The following SGCZ variants were observed in gnomAD, a reference collection of about 807,000 sequenced individuals.
SGCZ encodes zeta-sarcoglycan.
A neutral mutation model predicts 41.3 loss-of-function variants in SGCZ; 40 were observed. The ratio of observed to expected loss-of-function variants is 0.97; its 90% confidence interval spans 0.75 to 1.26. The LOEUF is 1.26. SGCZ is among the 50% of genes most tolerant of loss of function. The probability of loss-of-function intolerance (pLI) is 0.00; values close to 1 mark genes in which losing one functional copy is unlikely to be tolerated. For synonymous variants in SGCZ, 206 were observed against 137.5 expected (o/e 1.50, Z -3.49); for missense variants, 552 against 369.8 (o/e 1.49, Z -4.04).
rs540832566 is a variant in SGCZ, at chr8:14,690,717, T to A, written c.40-135791A>T. 3 of 152,286 alleles carry A rather than the reference T, an allele frequency of 2.0e-5. No individual in the cohort carries two copies. In the East Asian group the frequency reaches 5.8e-4, roughly 29 times the overall value. The allele number at this position is 152,286 out of a possible 1,614,324, so 9.4% of individuals were successfully genotyped here. On this transcript the variant is annotated intron_variant, in intron 1 of 7. Transcript: ENST00000382080. ...AATGAAAATAACCAGTTAAGTTAGT[T>A]CCTTCATTCTGTTCAGAATATGGCT...
At chr8:15,007,931 T>C (rs1802664338) in intron 1 of SGCZ, among the ~76,000 whole-genome samples, 1 of 152,184 alleles carries the variant, frequency 6.6e-6, no homozygotes, top group Admixed American at 6.5e-5. Flanking sequence ...TTTATTGTAG[T>C]TCACATTTCT....
At chr8:14,151,445 CTAAG>C (rs141271790) in intron 5 of SGCZ, among the ~76,000 whole-genome samples, 20,230 of 147,120 alleles carry the variant, frequency 0.14, 1,554 homozygotes, top group African/African-American at 0.22. Context: ...CAAAAAAAAA[CTAAG>C]TAAGTGAAAA....
At chr8:14,303,156 A>C (rs528636571) in intron 3 of SGCZ, among the ~76,000 whole-genome samples, 8 of 152,326 alleles carry the variant, frequency 5.3e-5, no homozygotes, top group African/African-American at 7.2e-5. Flanking sequence ...ACGTATATTA[A>C]ATTTCCAAAC....
At chr8:14,445,056 A>G (rs1800392882) in intron 2 of SGCZ, among the ~76,000 whole-genome samples, 2 of 152,190 alleles carry the variant, frequency 1.3e-5, no homozygotes, top group African/African-American at 4.8e-5. Flanking sequence ...CCTAAGGCCA[A>G]TTAAGCTTGA....
intron 1 of SGCZ, among the ~76,000 whole-genome samples, chr8:14,570,701 T>C (rs541587403): frequency 6.6e-6 from 1 of 152,288 alleles, no homozygotes; most frequent in South Asian, 2.1e-4. Flanking sequence ...TACCTCCAGA[T>C]TTTGGAAATG....
At chr8:15,204,928 C>G (rs867859385) in intron 1 of SGCZ, among the ~76,000 whole-genome samples, 2 of 152,114 alleles carry the variant, frequency 1.3e-5, no homozygotes, top group African/African-American at 4.8e-5. Flanking sequence ...TTAGTGAAAC[C>G]TGAATGAATG....
intron 3 of SGCZ, among the ~76,000 whole-genome samples, chr8:14,277,675 G>C (rs966177635): frequency 6.6e-6 from 1 of 152,066 alleles, no homozygotes; most frequent in Non-Finnish European, 1.5e-5. Context: ...CTGGCATGCT[G>C]AGCACCTTGA....
intron 1 of SGCZ, among the ~76,000 whole-genome samples, chr8:14,696,619 T>G (rs918265945): frequency 1.3e-5 from 2 of 152,146 alleles, no homozygotes; most frequent in African/African-American, 4.8e-5. Flanking sequence ...TTTATCGTTA[T>G]GACCTTCCAT....
chr8:14,819,124 A>G (rs1164527736), intron 1 of SGCZ, among the ~76,000 whole-genome samples: 1 of 130,404 alleles, frequency 7.7e-6, no homozygotes, highest in East Asian at 2.9e-4. Context: ...AGTAAAAGAC[A>G]GAATTCTAAA....
intron 1 of SGCZ, among the ~76,000 whole-genome samples, chr8:14,982,982 G>A (rs189507673): frequency 1.3e-5 from 2 of 152,148 alleles, no homozygotes; most frequent in African/African-American, 2.4e-5. Context: ...CCACCTATTA[G>A]CTATTTGGCC....
chr8:14,126,501 C>G (rs901864472), intron 5 of SGCZ, among the ~76,000 whole-genome samples: 6 of 150,518 alleles, frequency 4.0e-5, no homozygotes, highest in Non-Finnish European at 8.9e-5. Flanking sequence ...GATGCTAGAG[C>G]AGCTGTGGAG....
intron 1 of SGCZ, among the ~76,000 whole-genome samples, chr8:14,562,613 G>T (rs1363376280): frequency 6.6e-6 from 1 of 152,044 alleles, no homozygotes; most frequent in Non-Finnish European, 1.5e-5. Flanking sequence ...AGACATAAAA[G>T]AAGTTTTTAT....
At chr8:15,122,688 G>T (rs118030767) in intron 1 of SGCZ, among the ~76,000 whole-genome samples, 2,907 of 152,200 alleles carry the variant, frequency 0.019, 44 homozygotes, top group Non-Finnish European at 0.026. Context: ...AAGGCCAACT[G>T]TAAATGCTTT....
At chr8:14,884,816 G>C (rs1804728303) in intron 1 of SGCZ, among the ~76,000 whole-genome samples, 1 of 151,992 alleles carries the variant, frequency 6.6e-6, no homozygotes, top group Non-Finnish European at 1.5e-5. Context: ...AAGCTCTAGA[G>C]ATATCTCTTC....
intron 1 of SGCZ, among the ~76,000 whole-genome samples, chr8:15,033,487 A>T (rs752231913): frequency 6.6e-6 from 1 of 151,628 alleles, no homozygotes; most frequent in Non-Finnish European, 1.5e-5. Flanking sequence ...GTCCAATATC[A>T]CCTTAGTACC....
chr8:14,533,846 G>T (rs570304068), intron 2 of SGCZ, among the ~76,000 whole-genome samples: 1 of 151,982 alleles, frequency 6.6e-6, no homozygotes, highest in Non-Finnish European at 1.5e-5. Flanking sequence ...GGTAAGATAG[G>T]GTTACATAGC....
intron 1 of SGCZ, among the ~76,000 whole-genome samples, chr8:14,903,373 T>G (rs1799029034): frequency 6.6e-6 from 1 of 152,124 alleles, no homozygotes; most frequent in African/African-American, 2.4e-5. Flanking sequence ...CAGTAATTAT[T>G]TAAAACAATT....
At chr8:14,381,057 T>G (rs1447429549) in intron 2 of SGCZ, among the ~76,000 whole-genome samples, 2 of 152,134 alleles carry the variant, frequency 1.3e-5, no homozygotes, top group Admixed American at 6.5e-5. Context: ...TCACATTATC[T>G]TTTCATCTGA....
intron 1 of SGCZ, among the ~76,000 whole-genome samples, chr8:14,733,084 A>G (rs920462053): frequency 1.3e-5 from 2 of 152,158 alleles, no homozygotes; most frequent in East Asian, 3.9e-4. Context: ...ACCTGTGAGC[A>G]TGACACTGAC....
Sources: allele counts gnomAD v4.1 joint callset (sites outside exome capture counted in the v4.1 genomes callset), GRCh38; gene constraint gnomAD v4.1.1; transcripts MANE v1.5; gene names NCBI Gene and HGNC (gene_info 2026-07-23, HGNC 2026-07-21).